RTN4: variants seen among roughly 807,000 people sequenced by gnomAD.
RTN4 encodes reticulon 4.
RTN4 carries 32 observed loss-of-function variants against 90.4 expected under a neutral mutation model. The ratio of observed to expected loss-of-function variants is 0.35; its 90% CI spans 0.27 to 0.48. The LOEUF (loss-of-function observed/expected upper bound fraction) is 0.48, where lower values mean the gene tolerates loss of function less well. RTN4 is among the 20% of genes least tolerant of loss of function. The pLI is 0.99. For missense variants in RTN4, 1,706 were observed against 1,430.2 expected, an observed-to-expected ratio of 1.19 and a Z score of -3.11; for synonymous variants, 629 against 552.5, an observed-to-expected ratio of 1.14 and a Z score of -1.94.
intron 2 of RTN4, among the ~76,000 whole-genome samples, chr2:55,062,720 C>G (rs1239783471): frequency 6.6e-6 from 1 of 152,152 alleles, no homozygotes; most frequent in Non-Finnish European, 1.5e-5. Context: ...CTTTCATGGA[C>G]AGAAGTAATC....
At chr2:55,028,060 C>A in intron 2 of RTN4, 104 bp downstream of exon 2, 1 of 923,298 alleles carries the variant, frequency 1.1e-6, no homozygotes, top group Non-Finnish European at 1.6e-6. Flanking sequence ...TTCTCGGAAC[C>A]ATGCTAATTT....
At chr2:55,085,436 G>T (rs897972443) in intron 1 of RTN4, among the ~76,000 whole-genome samples, 3 of 152,206 alleles carry the variant, frequency 2.0e-5, no homozygotes, top group Non-Finnish European at 4.4e-5. Context: ...AGGAGTGGGT[G>T]TTGCAGTCTT....
At position 55,049,843 on chromosome 2, in the gene RTN4, G is replaced by C; in HGVS notation, c.458C>G (p.Pro153Arg). ...PPPPPPASVS[P>R]QAEPVWTPPA... ...CGGGGTCCACACGGGCTCTGCCTGG[G>C]GGCTCACGCTGGCCGGGGGAGGAGG... Residue 153 changes from proline to arginine, a missense_variant, in exon 1 of 9, where the codon CCC becomes CGC. Pro to Arg is a moderately radical substitution (Grantham distance 103). Coordinates refer to ENST00000337526, the MANE Select transcript of RTN4 (RefSeq NM_020532.5). 7.6e-7 allele frequency: 1 copy of C among 1,315,832 alleles called. No homozygotes were observed. Among genetic ancestry groups the C allele is most frequent in the African/African-American group, 1.5e-5 (1 of 64,760 alleles). 81.5% of individuals were successfully genotyped at this position (1,315,832 alleles called of 1,614,324 possible). A position where few individuals can be genotyped will look rare whatever the true frequency, so the allele number is the denominator to read the frequency against.
At chr2:55,033,587 C>T (rs938655584) in intron 1 of RTN4, among the ~76,000 whole-genome samples, 4 of 152,136 alleles carry the variant, frequency 2.6e-5, no homozygotes, top group African/African-American at 9.7e-5. Context: ...ACAGCGCTGA[C>T]ATGGTATCGA....
chr2:55,131,582 T>C, the RTN4 span, among the ~76,000 whole-genome samples: 1 of 152,148 alleles, frequency 6.6e-6, no homozygotes, highest in Admixed American at 6.6e-5. Flanking sequence ...GTAAAAGATA[T>C]CAGAAAAACT....
intron 1 of RTN4, among the ~76,000 whole-genome samples, chr2:55,035,778 C>T (rs1682636239): frequency 2.0e-5 from 3 of 152,066 alleles, no homozygotes; most frequent in Admixed American, 6.6e-5. Context: ...GTCCTAAAAA[C>T]GTAAGAGAAT....
chr2:55,061,825 G>A lies in RTN4; in HGVS notation c.-63+18664C>T, dbSNP rs114264418. 7.2e-3 allele frequency among the ~76,000 whole-genome samples: 1,089 copies of A among 152,234 alleles called. 7 individuals are homozygous for A. Among genetic ancestry groups the A allele is most frequent in the African/African-American group, 0.022 (905 of 41,546 alleles). ...CCCGGTCCTGTGCCCATAGACCTAG[G>A]TGACGACAGGCACTCCTGCCTTGGC... On this transcript the variant is annotated intron_variant, in intron 2 of 3. Coordinates refer to the RTN4 transcript ENST00000427710.
chr2:54,978,911 TAAA>T (rs1037832914), intron 5 of RTN4, among the ~76,000 whole-genome samples: 6 of 152,104 alleles, frequency 3.9e-5, no homozygotes, highest in African/African-American at 1.4e-4. Flanking sequence ...GTTGAAAAAG[TAAA>T]AAAAGAATGG....
intron 2 of RTN4, among the ~76,000 whole-genome samples, chr2:55,058,118 A>T (rs1668222013): frequency 2.0e-5 from 3 of 152,186 alleles, no homozygotes; most frequent in South Asian, 4.1e-4. Flanking sequence ...GGCCTCAGGG[A>T]CTGATTCATG....
intron 3 of RTN4, among the ~76,000 whole-genome samples, chr2:54,999,203 T>C (rs2104737784): frequency 6.6e-6 from 1 of 152,298 alleles, no homozygotes; most frequent in South Asian, 2.1e-4. Context: ...TTTATCAAAA[T>C]AAAATTTTAA....
the RTN4 span, among the ~76,000 whole-genome samples, chr2:55,120,799 G>T: frequency 6.6e-6 from 1 of 152,026 alleles, no homozygotes; most frequent in Non-Finnish European, 1.5e-5. Context: ...CTGTTGGGTG[G>T]AAAGCTTATT....
intron 3 of RTN4, among the ~76,000 whole-genome samples, chr2:55,003,250 T>C (rs1413798252): frequency 6.6e-6 from 1 of 152,194 alleles, no homozygotes. Flanking sequence ...TAAATGTTCA[T>C]CGAATCAATG....
At chr2:55,114,572 G>T (rs926450845), upstream of RTN4, among the ~76,000 whole-genome samples, 1 of 152,178 alleles carries the variant, frequency 6.6e-6, no homozygotes, top group Non-Finnish European at 1.5e-5. Flanking sequence ...GGTGACGCAC[G>T]CCTGTAATCC....
rs762790837 is a variant in RTN4 at position 54,974,404 on chromosome 2, G to A, written c.3430+291C>T. Among the ~76,000 whole-genome samples, 17 of 152,158 alleles carry A rather than the reference G, an allele frequency of 1.1e-4. 1 individual carries two copies. Among genetic ancestry groups the A allele is most frequent in the Admixed American group, 5.2e-4 (8 of 15,286 alleles). On this transcript the variant is annotated intron_variant, in intron 6 of 8. Transcript: ENST00000337526. Reference sequence around the variant, plus strand: ...AAGTGATTCTCCTGCCTCAGCCTCCGGAGTAGCTGGGATTACAGGCGTGCG... The same window carrying A: ...AAGTGATTCTCCTGCCTCAGCCTCCAGAGTAGCTGGGATTACAGGCGTGCG...
chr2:55,016,378 T>C (rs1305186241), intron 3 of RTN4, among the ~76,000 whole-genome samples: 3 of 152,058 alleles, frequency 2.0e-5, no homozygotes, highest in African/African-American at 7.2e-5. Flanking sequence ...AGGTCAGGAG[T>C]TCTGGACCAG....
At chr2:54,978,753 TAAA>T (rs1303856268) in intron 5 of RTN4, among the ~76,000 whole-genome samples, 1 of 152,138 alleles carries the variant, frequency 6.6e-6, no homozygotes, top group African/African-American at 2.4e-5. Context: ...CTATAAATTT[TAAA>T]AAACTCATTG....
chr2:54,976,982 C>CACATCTGG (rs1677687913), intron 5 of RTN4, among the ~76,000 whole-genome samples: 1 of 152,220 alleles, frequency 6.6e-6, no homozygotes, highest in African/African-American at 2.4e-5. Flanking sequence ...GGGCAAGGGC[C>CACATCTGG]ACATCTGGTT....
chr2:54,973,049 T>TG lies in RTN4; in HGVS notation c.*106dup. ...AAAATAAAGATCTAACAACGATCTG[T>TG]GAAACTGCACTGCAACGTCAAGGTT... On this transcript the variant is annotated 3_prime_UTR_variant, in exon 9 of 9. Transcript: ENST00000337526. 2 of 865,600 alleles carry TG rather than the reference T, an allele frequency of 2.3e-6. No homozygotes were observed. The highest frequency in any genetic ancestry group is 5.1e-5 in the East Asian group (2 of 39,290). 53.6% of individuals were successfully genotyped at this position (865,600 alleles called of 1,614,324 possible).
Position 55,027,276 on chromosome 2 carries a change from C to T in RTN4, c.823G>A (p.Glu275Lys). 6.2e-7 allele frequency: 1 copy of T among 1,613,684 alleles called. No individual in the cohort carries two copies. The highest frequency in any genetic ancestry group is 8.5e-7 in the Non-Finnish European group (1 of 1,179,768). Reference protein sequence around the residue: ...LQENVSEASKEVSEKAKTLLI... With the variant: ...LQENVSEASKKVSEKAKTLLI... ...AGAGTTTTTGCCTTCTCTGAGACCT[C>T]TTTAGAAGCTTCACTGACATTTTCT... Residue 275 changes from glutamate to lysine, a missense_variant, in exon 3 of 9, where the codon GAG becomes AAG. Glu to Lys is a moderately conservative substitution (Grantham distance 56, BLOSUM62 1). Coordinates refer to ENST00000337526, the MANE Select transcript of RTN4 (RefSeq NM_020532.5).
Sources: allele counts gnomAD v4.1 joint callset (sites outside exome capture counted in the v4.1 genomes callset), GRCh38; gene constraint gnomAD v4.1.1; transcripts MANE v1.5; gene names NCBI Gene and HGNC (gene_info 2026-07-23, HGNC 2026-07-21).